RAI1: variants seen among roughly 807,000 people sequenced by gnomAD.
The protein encoded by RAI1 is retinoic acid-induced protein 1.
Under a neutral mutation model 123.8 loss-of-function variants are expected in RAI1, and 9 were observed. The observed-to-expected ratio is 0.07, with a 90% CI of 0.04 to 0.13. The LOEUF is 0.13. Among genes scored for constraint, RAI1 ranks in the 10% least tolerant of loss-of-function variants. The pLI is 1.00. For missense variants in RAI1, 2,256 were observed against 2,545.8 expected, an observed-to-expected ratio of 0.89 and a Z score of 2.45; for synonymous variants, 1,231 against 1,127.3, an observed-to-expected ratio of 1.09 and a Z score of -1.84.
In RAI1 at chr17:17,797,720, G is replaced by A. The variant is rs781176057; in HGVS notation, c.4772G>A (p.Arg1591Gln). Residue 1591 changes from arginine (R) to glutamine (Q), a missense_variant, in exon 3 of 6, where the codon CGG (arginine) becomes CAG (glutamine). By Grantham distance (43) the Arg-to-Gln change is conservative. This residue lies in a region of RAI1 where 410 missense variants were observed against 374.6 expected (regional missense o/e 1.09). Transcript: ENST00000353383. ...SSCKRLRSDS[R>Q]TPAFSPFVRV... ...TGCAAGCGGCTGAGGTCAGACAGCCGGACCCCCGCCTTCTCACCCTTCGTG... is the reference window on the plus strand; with the variant it reads ...TGCAAGCGGCTGAGGTCAGACAGCCAGACCCCCGCCTTCTCACCCTTCGTG... The A allele has an allele frequency of 2.0e-5, 32 of 1,613,512 alleles. No individual in the cohort carries two copies. The highest frequency in any genetic ancestry group is 3.3e-5 in the South Asian group (3 of 91,076).
intron 1 of RAI1, among the ~76,000 whole-genome samples, chr17:17,715,810 G>T (rs893839842): frequency 5.9e-5 from 9 of 152,140 alleles, no homozygotes; most frequent in African/African-American, 2.2e-4. Context: ...TCGCCCCTTT[G>T]CGGGTGTGAA....
chr17:17,723,884 C>T (rs968580799), intron 1 of RAI1, 144 bp from the exon 2 acceptor site: 3 of 149,516 alleles, frequency 2.0e-5, no homozygotes, highest in Non-Finnish European at 4.5e-5. Context: ...TGAGGGCGCT[C>T]GCAGGGGCTG....
chr17:17,694,341 A>G (rs1180756235), intron 1 of RAI1, among the ~76,000 whole-genome samples: 1 of 151,964 alleles, frequency 6.6e-6, no homozygotes, highest in South Asian at 2.1e-4. Context: ...TGCGGGGAGG[A>G]ACATAGCCAG....
intron 4 of RAI1, among the ~76,000 whole-genome samples, chr17:17,806,124 C>T (rs375816759): frequency 3.3e-5 from 5 of 152,164 alleles, no homozygotes; most frequent in Middle Eastern, 3.2e-3. Flanking sequence ...GGAGACCAGA[C>T]GGGAAGGAGA....
At chr17:17,745,430 T>TG (rs1480840000) in intron 2 of RAI1, among the ~76,000 whole-genome samples, 5 of 151,306 alleles carry the variant, frequency 3.3e-5, no homozygotes, top group African/African-American at 1.2e-4. Flanking sequence ...TGTGTGTGTG[T>TG]TTGTTTTTGT....
intron 1 of RAI1, among the ~76,000 whole-genome samples, chr17:17,687,899 C>A (rs994880118): frequency 1.3e-5 from 2 of 151,552 alleles, no homozygotes; most frequent in African/African-American, 2.4e-5. Context: ...GTGTGGTGGC[C>A]CATGCCTGTA....
chr17:17,757,647 A>C (rs1226782175), intron 2 of RAI1, among the ~76,000 whole-genome samples: 1 of 152,086 alleles, frequency 6.6e-6, no homozygotes, highest in African/African-American at 2.4e-5. Context: ...TACCACTTGC[A>C]GCTAAGCAGA....
At chr17:17,790,410 G>A (rs2031970227) in intron 2 of RAI1, among the ~76,000 whole-genome samples, 1 of 152,192 alleles carries the variant, frequency 6.6e-6, no homozygotes, top group African/African-American at 2.4e-5. Context: ...AGCAATAGAT[G>A]CTTTCACCGC....
At chr17:17,716,488 G>A (rs2142915202) in intron 1 of RAI1, among the ~76,000 whole-genome samples, 1 of 152,326 alleles carries the variant, frequency 6.6e-6, no homozygotes, top group Middle Eastern at 3.4e-3. Flanking sequence ...ATATGCCCAT[G>A]TTTCTGGATG....
At chr17:17,790,835 C>T (rs1439271686) in intron 2 of RAI1, among the ~76,000 whole-genome samples, 2 of 152,160 alleles carry the variant, frequency 1.3e-5, no homozygotes, top group South Asian at 2.1e-4. Context: ...GGCCTGGGCA[C>T]AGGCCCGCCT....
rs1390856286 is a variant in RAI1 at position 17,809,533 on chromosome 17, C to G, written c.5709+94C>G. On this transcript the variant is annotated intron_variant, in intron 5 of 5. Coordinates refer to ENST00000353383, the MANE Select transcript of RAI1 (RefSeq NM_030665.4). The surrounding 1 kb of genome is among the most constrained non-coding windows in gnomAD (Gnocchi z 4.9). ...TTCACAGTCCCCTGGGCCCCCTTGGCTGCGCAGCCCCGCAGGGCCCAGCCC... is the reference window on the plus strand; with the variant it reads ...TTCACAGTCCCCTGGGCCCCCTTGGGTGCGCAGCCCCGCAGGGCCCAGCCC... The G allele has an allele frequency of 2.5e-5, 34 of 1,365,648 alleles. No individual in the cohort carries two copies. The highest frequency in any genetic ancestry group is 3.2e-5 in the Non-Finnish European group (31 of 962,244). 84.6% of individuals were successfully genotyped at this position (1,365,648 alleles called of 1,614,324 possible).
At chr17:17,757,818 C>T (rs772652372) in intron 2 of RAI1, among the ~76,000 whole-genome samples, 83 of 152,346 alleles carry the variant, frequency 5.4e-4, no homozygotes, top group Non-Finnish European at 7.8e-4. Context: ...CCCCAGGCGC[C>T]GGGGCGGGAG....
chr17:17,697,355 G>A (rs542084061), intron 1 of RAI1, among the ~76,000 whole-genome samples: 14 of 152,328 alleles, frequency 9.2e-5, no homozygotes, highest in South Asian at 8.3e-4. Flanking sequence ...GCATGGGCAC[G>A]CCATGCCCTG....
chr17:17,772,752 C>T (rs1399522201), intron 2 of RAI1, among the ~76,000 whole-genome samples: 1 of 152,154 alleles, frequency 6.6e-6, no homozygotes, highest in Admixed American at 6.5e-5. Context: ...GACGTAGGGC[C>T]CTTTCCCATG....
In RAI1 at chr17:17,795,731, T is replaced by C; in HGVS notation, c.2783T>C (p.Leu928Pro). The part of the protein sequence containing the change: ...CHLSGESVIL[L>P]GPTVGTESKV... ...CTCTCAGGGGAGTCCGTCATCCTGCTGGGCCCTACAGTGGGCACCGAGTCA... is the reference window on the plus strand; with the variant it reads ...CTCTCAGGGGAGTCCGTCATCCTGCCGGGCCCTACAGTGGGCACCGAGTCA... Residue 928 changes from leucine (L) to proline (P), a missense_variant, in exon 3 of 6, where the codon CTG (leucine) becomes CCG (proline). This residue lies in a region of RAI1 where 566 missense variants were observed against 616.0 expected (regional missense o/e 0.92). Coordinates refer to ENST00000353383, the MANE Select transcript of RAI1 (RefSeq NM_030665.4). The surrounding 1 kb of genome is among the most constrained non-coding windows in gnomAD (Gnocchi z 5.9). 6.2e-7 allele frequency: 1 copy of C among 1,613,446 alleles called. No homozygotes were observed. The highest frequency in any genetic ancestry group is 8.5e-7 in the Non-Finnish European group (1 of 1,180,020).
intron 2 of RAI1, among the ~76,000 whole-genome samples, chr17:17,770,098 C>T (rs1047885329): frequency 2.6e-5 from 4 of 151,264 alleles, no homozygotes; most frequent in Non-Finnish European, 4.4e-5. Context: ...ATGGGAGGGG[C>T]GGGAGGATGA....
In RAI1 at chr17:17,797,837, C is replaced by T. The variant is rs2032320530; in HGVS notation, c.4889C>T (p.Ser1630Phe). 2.5e-6 allele frequency: 4 copies of T among 1,614,054 alleles called. No individual in the cohort carries two copies. Among genetic ancestry groups the T allele is most frequent in the Non-Finnish European group, 3.4e-6 (4 of 1,180,014 alleles). ...APKPHRKPSS[S>F]ASSSSSSSSF... Reference sequence around the variant, plus strand: ...AAGCCCCACAGGAAGCCTTCCTCCTCTGCCTCCTCTTCCTCATCCTCGTCC... The same window carrying T: ...AAGCCCCACAGGAAGCCTTCCTCCTTTGCCTCCTCTTCCTCATCCTCGTCC... Residue 1630 changes from serine to phenylalanine, a missense_variant, in exon 3 of 6, where the codon TCT becomes TTT. This residue lies in a region of RAI1 where 410 missense variants were observed against 374.6 expected (regional missense o/e 1.09). Transcript: ENST00000353383.
chr17:17,757,514 C>G (rs961931546), intron 2 of RAI1, among the ~76,000 whole-genome samples: 2 of 152,218 alleles, frequency 1.3e-5, no homozygotes, highest in African/African-American at 4.8e-5. Context: ...GCTCCACCTT[C>G]CCCCTCGGGC....
chr17:17,729,939 C>T (rs1215484697), intron 2 of RAI1, among the ~76,000 whole-genome samples: 11 of 152,224 alleles, frequency 7.2e-5, no homozygotes, highest in Non-Finnish European at 1.3e-4. Context: ...GGGGTAGGTC[C>T]TAGTGAGATT....
Sources: allele counts gnomAD v4.1 joint callset (sites outside exome capture counted in the v4.1 genomes callset), GRCh38; gene constraint gnomAD v4.1.1; regional missense constraint gnomAD v4.1.1; non-coding constraint Gnocchi (gnomAD v3.1); transcripts MANE v1.5; gene names NCBI Gene and HGNC (gene_info 2026-07-23, HGNC 2026-07-21).